NKD2: variants seen among roughly 807,000 people sequenced by gnomAD.
The protein encoded by NKD2 is NKD inhibitor of Wnt signaling pathway 2.
In NKD2, 43 loss-of-function variants were observed where a neutral mutation model predicts 34.8. The observed-to-expected ratio is 1.24, with a 90% CI of 0.97 to 1.60. The LOEUF is 1.60. Among genes scored for constraint, NKD2 ranks in the 40% most tolerant of loss-of-function variants. The pLI is 0.00. For synonymous variants in NKD2, 278 were observed against 265.1 expected, an observed-to-expected ratio of 1.05 and a Z score of -0.47; for missense variants, 675 against 627.1, an observed-to-expected ratio of 1.08 and a Z score of -0.82.
chr5:1,016,340 G>A (rs1341049026), intron 3 of NKD2, among the ~76,000 whole-genome samples: 27 of 152,384 alleles, frequency 1.8e-4, no homozygotes, highest in Non-Finnish European at 4.4e-5. Context: ...AGCCTTTCAC[G>A]CTGGCGTGAA....
chr5:1,028,173 C>G (rs923650144), intron 3 of NKD2, among the ~76,000 whole-genome samples: 1 of 152,122 alleles, frequency 6.6e-6, no homozygotes, highest in Non-Finnish European at 1.5e-5. Context: ...AGCGCTCAGC[C>G]CGGTGCCTGT....
At position 1,038,855 on chromosome 5, in the gene NKD2, G is replaced by A. The variant is rs1397077978; in HGVS notation, c.*482G>A. ...AGTGAGAGGGGACAGGGCCGGTGGG[G>A]GGAAGCAGCTTGTGCTTAGCAGGGA... On this transcript the variant is annotated 3_prime_UTR_variant, in exon 10 of 10. Transcript: ENST00000296849. The surrounding 1 kb of genome is among the most constrained non-coding windows in gnomAD (Gnocchi z 4.5). The A allele has an allele frequency of 1.0e-5, 3 of 294,816 alleles. No individual in the cohort carries two copies. Among genetic ancestry groups the A allele is most frequent in the African/African-American group, 4.4e-5 (2 of 45,828 alleles). 18.3% of individuals were successfully genotyped at this position (294,816 alleles called of 1,614,324 possible). A position where few individuals can be genotyped will look rare whatever the true frequency, so the allele number is the denominator to read the frequency against.
At chr5:1,025,012 G>A (rs1300063102) in intron 3 of NKD2, among the ~76,000 whole-genome samples, 68 of 14,518 alleles carry the variant, frequency 4.7e-3, no homozygotes, top group African/African-American at 5.8e-3. Context: ...CGCTGTGGGC[G>A]TCTCAGCCCG....
chr5:1,027,460 C>G (rs1756465613), intron 3 of NKD2, among the ~76,000 whole-genome samples: 1 of 152,224 alleles, frequency 6.6e-6, no homozygotes, highest in South Asian at 2.1e-4. Context: ...CCACCCAGTT[C>G]TCTGAAGCCT....
At chr5:1,023,362 C>T (rs1579258669) in intron 3 of NKD2, among the ~76,000 whole-genome samples, 1 of 42,218 alleles carries the variant, frequency 2.4e-5, no homozygotes, top group Non-Finnish European at 5.5e-5. Context: ...TCTTCCCACC[C>T]GCTGTGGGCG....
chr5:1,030,083 A>G (rs1342005647), intron 3 of NKD2, among the ~76,000 whole-genome samples: 3 of 150,444 alleles, frequency 2.0e-5, no homozygotes, highest in Non-Finnish European at 4.4e-5. Flanking sequence ...CCCACATCCC[A>G]GAGGAGAAGG....
rs1446303839 is a variant in NKD2, at chr5:1,037,485, T to C, written c.788-320T>C. ...CGAATCCTGGGGGCGCCCTCCCTGA[T>C]ATAACCTGGCTTTCTGCCACGGCGC... is the stretch of plus-strand genomic sequence containing the variant. On this transcript the variant is annotated intron_variant, in intron 9 of 9. Coordinates refer to ENST00000296849, the MANE Select transcript of NKD2 (RefSeq NM_033120.4). 2.6e-6 allele frequency: 4 copies of C among 1,528,850 alleles called. 1 individual carries two copies. Among genetic ancestry groups the C allele is most frequent in the African/African-American group, 2.7e-5 (2 of 72,838 alleles). 94.7% of individuals were successfully genotyped at this position (1,528,850 alleles called of 1,614,324 possible).
chr5:1,033,102 G>A (rs575284320), intron 4 of NKD2, among the ~76,000 whole-genome samples: 1 of 152,318 alleles, frequency 6.6e-6, no homozygotes, highest in Admixed American at 6.5e-5. Context: ...CCCTATCTGT[G>A]CTCCTCGGAG....
At chr5:1,032,785 C>T (rs2150746527) in intron 4 of NKD2, among the ~76,000 whole-genome samples, 1 of 152,370 alleles carries the variant, frequency 6.6e-6, no homozygotes, top group Non-Finnish European at 1.5e-5. Context: ...CCAGCTCAGG[C>T]TCGACGTGCA....
intron 3 of NKD2, among the ~76,000 whole-genome samples, chr5:1,017,167 C>T (rs1437953963): frequency 6.6e-6 from 1 of 152,224 alleles, no homozygotes; most frequent in Non-Finnish European, 1.5e-5. Flanking sequence ...CCCTGGTGGC[C>T]TCCCTGCTGC....
chr5:1,037,945 T>C lies in NKD2; in HGVS notation c.928T>C (p.Ser310Pro). Residue 310 changes from serine to proline, a missense_variant, in exon 10 of 10, where the codon TCG (serine) becomes CCG (proline). Physicochemically the swap from Ser to Pro is moderately conservative, Grantham distance 74. Coordinates refer to ENST00000296849, the MANE Select transcript of NKD2 (RefSeq NM_033120.4). The stretch of plus-strand genomic sequence containing the variant: ...GCTGGTGGAACACGTCGTGCCAGCC[T>C]CGGAGCCTGCTGCCCGGGCCCTGGA... ...QVLVEHVVPA[S>P]EPAARALDTQ... The C allele has an allele frequency of 6.2e-7, 1 of 1,606,838 alleles. No individual in the cohort carries two copies. The highest frequency in any genetic ancestry group is 8.5e-7 in the Non-Finnish European group (1 of 1,178,726).
At chr5:1,035,199 C>T (rs71593385) in intron 7 of NKD2, among the ~76,000 whole-genome samples, 190 bp from the exon 8 acceptor site, 97 of 150,846 alleles carry the variant, frequency 6.4e-4, no homozygotes, top group Non-Finnish European at 1.1e-3. Context: ...AATGAGTGAA[C>T]GAGTGAGTTA....
chr5:1,009,267 C>T lies in NKD2; in HGVS notation c.61+53C>T, dbSNP rs1300808631. The stretch of plus-strand genomic sequence containing the variant: ...GGGGGGCGGCGACCCGGCCCGGGAC[C>T]CTCAGAGCTAGGAGCCCGCGCGCGT... On this transcript the variant is annotated intron_variant, in intron 2 of 9. Transcript: ENST00000296849. This position sits in a 1 kb window ranked among gnomAD's most constrained non-coding sequence, Gnocchi z 6.9. 2.1e-5 allele frequency: 10 copies of T among 485,520 alleles called. No individual in the cohort carries two copies. The highest frequency in any genetic ancestry group is 3.6e-5 in the Non-Finnish European group (10 of 280,010). 30.1% of individuals were successfully genotyped at this position (485,520 alleles called of 1,614,324 possible). A position where few individuals can be genotyped will look rare whatever the true frequency, so the allele number is the denominator to read the frequency against.
At chr5:1,018,790 A>G (rs552023659) in intron 3 of NKD2, among the ~76,000 whole-genome samples, 7 of 152,128 alleles carry the variant, frequency 4.6e-5, no homozygotes, top group Admixed American at 4.6e-4. Context: ...GCCCATGCCA[A>G]CCACCTAGCT....
At position 1,038,263 on chromosome 5, in the gene NKD2, C is replaced by T. The variant is rs777961770; in HGVS notation, c.1246C>T (p.Pro416Ser). The T allele has an allele frequency of 1.9e-6, 3 of 1,578,832 alleles. No individual in the cohort carries two copies. The highest frequency in any genetic ancestry group is 2.6e-6 in the Non-Finnish European group (3 of 1,166,560). ...GCACGAGGTGGTGCGGGACCTGCCG[C>T]CCACGCCAGCAGGAGAGGGCTACGC... ...VEHEVVRDLPPTPAGEGYAVP... is the reference protein window; with the variant it reads ...VEHEVVRDLPSTPAGEGYAVP... Residue 416 changes from proline (P) to serine (S), a missense_variant, in exon 10 of 10, where the codon CCC (proline) becomes TCC (serine). By Grantham distance (74) the Pro-to-Ser change is moderately conservative (BLOSUM62 -1). Coordinates refer to ENST00000296849, the MANE Select transcript of NKD2 (RefSeq NM_033120.4). The surrounding 1 kb of genome is among the most constrained non-coding windows in gnomAD (Gnocchi z 4.5).
intron 3 of NKD2, among the ~76,000 whole-genome samples, chr5:1,025,678 A>G (rs375024967): frequency 0.077 from 450 of 5,856 alleles, 80 homozygotes; most frequent in African/African-American, 0.11. Context: ...GTCTCAGCCC[A>G]TTGTCCCTGC....
rs1271744314 is a variant in NKD2 at position 1,035,376 on chromosome 5, A to G, written c.575-13A>G. 6.4e-7 allele frequency: 1 copy of G among 1,551,866 alleles called. No individual in the cohort carries two copies. ...GAGGGAGGGAGTGAGTAATGGCAGG[A>G]CCCCCCTTTCAGACCGGGAGCCCAC... On this transcript the variant is annotated splice_polypyrimidine_tract_variant and intron_variant, in intron 7 of 9. Transcript: ENST00000296849.
intron 3 of NKD2, among the ~76,000 whole-genome samples, chr5:1,019,638 C>T (rs1460440621): frequency 2.0e-5 from 3 of 152,170 alleles, no homozygotes; most frequent in African/African-American, 4.8e-5. Flanking sequence ...AGCTCAGTCC[C>T]CAGGGTCTGG....
intron 3 of NKD2, among the ~76,000 whole-genome samples, chr5:1,028,356 C>G (rs575840055): frequency 6.6e-6 from 1 of 152,162 alleles, no homozygotes; most frequent in Non-Finnish European, 1.5e-5. Context: ...CATGCAGCTG[C>G]GAGGCTATGG....
Sources: gnomAD v4.1 joint callset for allele counts (sites outside exome capture counted in the v4.1 genomes callset) on GRCh38, gnomAD v4.1.1 for gene constraint, Gnocchi (gnomAD v3.1) non-coding constraint, MANE v1.5 for transcripts, NCBI Gene and HGNC (gene_info 2026-07-23, HGNC 2026-07-21) for gene names.